Variants in GSG1L observed in about 807,000 individuals in gnomAD.
GSG1L encodes the protein germ cell-specific gene 1-like protein.
Under a neutral mutation model 42.1 loss-of-function variants are expected in GSG1L, and 24 were observed. The observed-to-expected ratio is 0.57, with a 90% confidence interval of 0.41 to 0.80. GSG1L has a LOEUF of 0.80. Ranked by LOEUF, GSG1L falls within the 30% of genes least tolerant of loss-of-function variation. The pLI is 0.00. For synonymous variants in GSG1L, 215 were observed against 203.5 expected (o/e 1.06, Z -0.48); for missense variants, 445 against 472.2 (o/e 0.94, Z 0.53).
intron 1 of GSG1L, among the ~76,000 whole-genome samples, chr16:28,014,697 C>A (rs2141159682): frequency 7.9e-6 from 1 of 126,386 alleles, no homozygotes; most frequent in African/African-American, 3.0e-5. Flanking sequence ...CGGGGTCTCA[C>A]TATGTTGTCT....
At chr16:27,926,507 G>GAA (rs55918316) in intron 2 of GSG1L, among the ~76,000 whole-genome samples, 3 of 144,104 alleles carry the variant, frequency 2.1e-5, no homozygotes, top group Admixed American at 1.4e-4. Context: ...TATCTGTGCT[G>GAA]AAAAAAAAAA....
chr16:27,844,946 T>C lies in GSG1L; in HGVS notation c.662+4A>G, dbSNP rs1282539135. 7 of 1,493,824 alleles carry C rather than the reference T, an allele frequency of 4.7e-6. No homozygotes were observed. The East Asian group carries it at 1.7e-4, about 36-fold the overall frequency. 92.5% of individuals were successfully genotyped at this position (1,493,824 alleles called of 1,614,324 possible). A position where few individuals can be genotyped will look rare whatever the true frequency, so the allele number is the denominator to read the frequency against. On this transcript the variant is annotated splice_donor_region_variant and intron_variant, in intron 4 of 6. Transcript: ENST00000447459. ...AGCTGCTCTTGTCCTGAAGGTCCAC[T>C]TACCAGAAGGACCACCCGTAGTCCC...
intron 2 of GSG1L, among the ~76,000 whole-genome samples, chr16:27,946,399 G>T (rs1038198760): frequency 6.6e-6 from 1 of 151,620 alleles, no homozygotes; most frequent in African/African-American, 2.4e-5. Flanking sequence ...ACAAAAATTA[G>T]CCGGGTGTGG....
intron 2 of GSG1L, among the ~76,000 whole-genome samples, chr16:27,925,338 G>A (rs978152759): frequency 6.6e-6 from 1 of 152,148 alleles, no homozygotes; most frequent in Non-Finnish European, 1.5e-5. Context: ...GTAAGTTGTG[G>A]GGCATTTTCC....
chr16:27,988,821 G>T (rs1473277301), intron 1 of GSG1L, among the ~76,000 whole-genome samples: 1 of 150,888 alleles, frequency 6.6e-6, no homozygotes, highest in Non-Finnish European at 1.5e-5. Flanking sequence ...TTGGGAGGCC[G>T]AGGTGGGCGG....
At chr16:27,936,177 G>A (rs551263913) in intron 2 of GSG1L, among the ~76,000 whole-genome samples, 1 of 152,076 alleles carries the variant, frequency 6.6e-6, no homozygotes, top group Non-Finnish European at 1.5e-5. Context: ...ATCCTTATCG[G>A]CAGACCATCC....
At chr16:27,949,882 G>A (rs1043921579) in intron 2 of GSG1L, among the ~76,000 whole-genome samples, 3 of 152,248 alleles carry the variant, frequency 2.0e-5, no homozygotes, top group African/African-American at 4.8e-5. Flanking sequence ...CCGAGATTGC[G>A]CCACTGCATT....
Position 28,042,192 on chromosome 16 carries a change from T to C in GSG1L, c.349+20884A>G, listed in dbSNP as rs1412550248. ...GGTTCGTGCCTGTAATCCTAGCACT[T>C]TGGGAGGCCAATGCAGGTGGATCAC... On this transcript the variant is annotated intron_variant, in intron 1 of 6. Transcript: ENST00000447459. 2.6e-5 allele frequency among the ~76,000 whole-genome samples: 4 copies of C among 152,126 alleles called. No individual in the cohort carries two copies. In the East Asian group the frequency reaches 7.7e-4, roughly 29 times the overall value.
intron 2 of GSG1L, among the ~76,000 whole-genome samples, chr16:27,897,914 C>A (rs2084210320): frequency 6.6e-6 from 1 of 152,256 alleles, no homozygotes; most frequent in Non-Finnish European, 1.5e-5. Flanking sequence ...GTTCTTGGAG[C>A]ATTCTAGGTC....
intron 1 of GSG1L, among the ~76,000 whole-genome samples, chr16:28,038,251 C>T (rs1012228783): frequency 6.6e-6 from 1 of 152,128 alleles, no homozygotes; most frequent in Non-Finnish European, 1.5e-5. Context: ...GCTGGAACCA[C>T]ATGCATACAC....
At chr16:28,033,591 A>G (rs1470831995) in intron 1 of GSG1L, among the ~76,000 whole-genome samples, 1 of 152,200 alleles carries the variant, frequency 6.6e-6, no homozygotes, top group African/African-American at 2.4e-5. Context: ...AGAAAGAGAG[A>G]AAAAATACTC....
chr16:27,943,035 CAG>C (rs2084818861), intron 2 of GSG1L, among the ~76,000 whole-genome samples: 1 of 152,040 alleles, frequency 6.6e-6, no homozygotes. Context: ...TGAGAATTTG[CAG>C]AGTGGTTTTG....
chr16:27,908,504 G>A (rs182737892), intron 2 of GSG1L, among the ~76,000 whole-genome samples: 88 of 152,248 alleles, frequency 5.8e-4, no homozygotes, highest in African/African-American at 1.8e-3. Context: ...TCCAGTTTGC[G>A]CTGCTATAAC....
chr16:27,810,276 C>T (rs944555300), intron 5 of GSG1L, among the ~76,000 whole-genome samples: 2 of 151,936 alleles, frequency 1.3e-5, no homozygotes, highest in Admixed American at 1.3e-4. Context: ...CCCAGGAGTT[C>T]GAGACCAGCC....
chr16:27,806,435 C>A (rs1292985147), intron 6 of GSG1L, among the ~76,000 whole-genome samples: 1 of 152,178 alleles, frequency 6.6e-6, no homozygotes, highest in East Asian at 1.9e-4. Context: ...AGCAGACCCA[C>A]AGGTAAGAAT....
rs541937414 is a variant in GSG1L at position 27,816,305 on chromosome 16, C to T, written c.831-8751G>A. Among the ~76,000 whole-genome samples the T allele has an allele frequency of 4.6e-5, 7 of 152,274 alleles. No individual in the cohort carries two copies. In the East Asian group the frequency reaches 1.4e-3, roughly 29 times the overall value. Reference sequence around the variant, plus strand: ...AGCAGAGGAAGGGCTTCAAAGGTATCGAAAACCTCTGGATTCAGGGCAGGC... The same window carrying T: ...AGCAGAGGAAGGGCTTCAAAGGTATTGAAAACCTCTGGATTCAGGGCAGGC... On this transcript the variant is annotated intron_variant, in intron 5 of 6. Transcript: ENST00000447459.
intron 1 of GSG1L, among the ~76,000 whole-genome samples, chr16:28,055,518 C>T (rs1567572208): frequency 1.3e-5 from 2 of 151,816 alleles, no homozygotes; most frequent in Non-Finnish European, 2.9e-5. Flanking sequence ...GTCCCCCAGG[C>T]TAGAGTGCAG....
At chr16:28,048,797 G>A (rs752900086) in intron 1 of GSG1L, among the ~76,000 whole-genome samples, 83 of 152,178 alleles carry the variant, frequency 5.5e-4, no homozygotes, top group Non-Finnish European at 8.2e-4. Context: ...AAAAAACAAA[G>A]TTTTCAATGT....
chr16:27,812,371 A>G (rs2083041154), intron 5 of GSG1L, among the ~76,000 whole-genome samples: 1 of 152,230 alleles, frequency 6.6e-6, no homozygotes, highest in Admixed American at 6.5e-5. Flanking sequence ...GGGTTGGTGA[A>G]CGTTTGCTGT....
Sources: gnomAD v4.1 joint callset for allele counts (sites outside exome capture counted in the v4.1 genomes callset) on GRCh38, gnomAD v4.1.1 for gene constraint, MANE v1.5 for transcripts, NCBI Gene and HGNC (gene_info 2026-07-23, HGNC 2026-07-21) for gene names.